Variants in CACNA1E observed in about 807,000 individuals in gnomAD.
The protein encoded by CACNA1E is calcium voltage-gated channel subunit alpha1 E.
In CACNA1E, 40 loss-of-function variants were observed where a neutral mutation model predicts 259.2. The ratio of observed to expected loss-of-function variants is 0.15; its 90% CI spans 0.12 to 0.20. CACNA1E has a LOEUF of 0.20. CACNA1E is among the 10% of genes least tolerant of loss of function. The pLI, the probability that CACNA1E is intolerant of heterozygous loss-of-function variation, is 1.00. For synonymous variants in CACNA1E, 1,104 were observed against 1,138.5 expected (o/e 0.97, Z 0.61); for missense variants, 1,874 against 3,040.1 (o/e 0.62, Z 9.02).
At chr1:181,757,348 A>G (rs1658175655) in intron 30 of CACNA1E, among the ~76,000 whole-genome samples, 1 of 152,224 alleles carries the variant, frequency 6.6e-6, no homozygotes, top group South Asian at 2.1e-4. Context: ...GATGTTTAAC[A>G]TGCAGTCTTT....
At chr1:181,470,464 C>T (rs1662435480) in intron 2 of CACNA1E, among the ~76,000 whole-genome samples, 1 of 152,118 alleles carries the variant, frequency 6.6e-6, no homozygotes. Context: ...TTGGGTGATC[C>T]TCCCATCTCG....
chr1:181,447,871 A>G (rs981248399), intron 2 of CACNA1E, among the ~76,000 whole-genome samples: 1 of 152,160 alleles, frequency 6.6e-6, no homozygotes, highest in Non-Finnish European at 1.5e-5. Context: ...AAGCTGCTGC[A>G]TTCCTTGGCT....
intron 1 of CACNA1E, among the ~76,000 whole-genome samples, chr1:181,326,949 G>T (rs1318528234): frequency 6.6e-6 from 1 of 152,110 alleles, no homozygotes; most frequent in Non-Finnish European, 1.5e-5. Flanking sequence ...CGTGGGCCTG[G>T]CTCTCAGTTG....
intron 1 of CACNA1E, among the ~76,000 whole-genome samples, chr1:181,319,053 G>T (rs1012658108): frequency 6.6e-6 from 1 of 152,206 alleles, no homozygotes; most frequent in African/African-American, 2.4e-5. Context: ...TCCTCCTTGC[G>T]CAGAGGACTG....
intron 38 of CACNA1E, among the ~76,000 whole-genome samples, chr1:181,780,943 C>A (rs547300083): frequency 6.6e-6 from 1 of 152,166 alleles, no homozygotes; most frequent in Non-Finnish European, 1.5e-5. Context: ...GCGCCCCAGC[C>A]GGGGTCAGAA....
At chr1:181,403,795 G>T (rs1335679223) in intron 1 of CACNA1E, among the ~76,000 whole-genome samples, 1 of 152,148 alleles carries the variant, frequency 6.6e-6, no homozygotes, top group African/African-American at 2.4e-5. Flanking sequence ...CATATTGCTG[G>T]TGGTCTAAGG....
intron 6 of CACNA1E, among the ~76,000 whole-genome samples, chr1:181,645,287 A>C (rs1048901926): frequency 2.0e-5 from 3 of 152,124 alleles, no homozygotes; most frequent in Non-Finnish European, 4.4e-5. Flanking sequence ...GGTTATCTAG[A>C]GGCTGGTTGT....
chr1:181,586,710 C>T (rs897921084), intron 6 of CACNA1E, among the ~76,000 whole-genome samples: 1 of 152,156 alleles, frequency 6.6e-6, no homozygotes, highest in East Asian at 1.9e-4. Context: ...TAAATTCATC[C>T]ACAGATTCTC....
At chr1:181,680,796 C>G (rs1284425756) in intron 7 of CACNA1E, among the ~76,000 whole-genome samples, 1 of 152,192 alleles carries the variant, frequency 6.6e-6, no homozygotes, top group Non-Finnish European at 1.5e-5. Context: ...CCTTCCTTCT[C>G]CCCTAGATTT....
intron 1 of CACNA1E, among the ~76,000 whole-genome samples, chr1:181,396,560 A>G (rs777103875): frequency 6.6e-6 from 1 of 152,238 alleles, no homozygotes; most frequent in Non-Finnish European, 1.5e-5. Flanking sequence ...GAACAAAGAA[A>G]TCAGGAAATA....
intron 25 of CACNA1E, among the ~76,000 whole-genome samples, chr1:181,739,588 C>G (rs1190188661): frequency 2.0e-5 from 3 of 152,158 alleles, no homozygotes; most frequent in Non-Finnish European, 2.9e-5. Flanking sequence ...GACCCAGGAA[C>G]AGCTTATGGG....
chr1:181,776,415 CT>C lies in CACNA1E; in HGVS notation c.5267+190del, dbSNP rs1315001951. Reference sequence around the variant, plus strand: ...AGTCACCAAGGACTTCTGTATCCTCCTTTCCCCTCTCTTTCCTTCTGTGACA... The same window carrying C: ...AGTCACCAAGGACTTCTGTATCCTCCTTCCCCTCTCTTTCCTTCTGTGACA... On this transcript the variant is annotated intron_variant, in intron 38 of 47. Transcript: ENST00000367573. This position sits in a 1 kb window ranked among gnomAD's most constrained non-coding sequence, Gnocchi z 4.4. 5 of 582,434 alleles carry C rather than the reference CT, an allele frequency of 8.6e-6. No individual in the cohort carries two copies. In the East Asian group the frequency reaches 1.4e-4, roughly 17 times the overall value. The allele number at this position is 582,434 out of a possible 1,614,324, so 36.1% of individuals were successfully genotyped here.
chr1:181,491,790 A>T lies in CACNA1E; in HGVS notation c.266+7780A>T, dbSNP rs75505071. 4.7e-3 allele frequency among the ~76,000 whole-genome samples: 722 copies of T among 152,350 alleles called. 7 individuals carry two copies. The East Asian group carries it at 0.05, about 11-fold the overall frequency. On this transcript the variant is annotated intron_variant, in intron 1 of 47. Transcript: ENST00000367573. ...CTCTTCTGAGAAGGGACATGCACCC[A>T]TTTAATTCCAGCACCTAGCACATGC...
In CACNA1E at chr1:181,715,411, C is replaced by T. The variant is rs772721347; in HGVS notation, c.1225+20C>T. On this transcript the variant is annotated intron_variant, in intron 9 of 47. Transcript: ENST00000367573. ...TAGAAGGTAAGGAAATGTTCTGATG[C>T]CTTATTCCAGTTGCATTTGCCCCTC... is the stretch of plus-strand genomic sequence containing the variant. The T allele has an allele frequency of 2.7e-6, 4 of 1,503,184 alleles. No homozygotes were observed. The South Asian group carries it at 4.7e-5, about 18-fold the overall frequency. 93.1% of individuals were successfully genotyped at this position (1,503,184 alleles called of 1,614,324 possible).
chr1:181,666,721 T>TAC (rs138335534), intron 7 of CACNA1E, among the ~76,000 whole-genome samples: 18,730 of 151,042 alleles, frequency 0.12, 1,193 homozygotes, highest in South Asian at 0.25. Context: ...TATATATATA[T>TAC]ACACACACAC....
At chr1:181,773,911 G>A (rs1396618405) in intron 37 of CACNA1E, among the ~76,000 whole-genome samples, 1 of 152,168 alleles carries the variant, frequency 6.6e-6, no homozygotes, top group African/African-American at 2.4e-5. Flanking sequence ...TTTTAATGAG[G>A]CTATATTCAG....
At chr1:181,419,554 C>T (rs1220245985) in intron 2 of CACNA1E, among the ~76,000 whole-genome samples, 1 of 152,228 alleles carries the variant, frequency 6.6e-6, no homozygotes, top group Non-Finnish European at 1.5e-5. Flanking sequence ...AACGGACACA[C>T]AAACACACAC....
intron 1 of CACNA1E, among the ~76,000 whole-genome samples, chr1:181,351,544 G>T (rs186763547): frequency 6.6e-6 from 1 of 152,158 alleles, no homozygotes; most frequent in Non-Finnish European, 1.5e-5. Flanking sequence ...TTCTCTCACC[G>T]TTCTGGTGGC....
At chr1:181,734,397 ACCCCTGC>A (rs1000928023) in intron 21 of CACNA1E, among the ~76,000 whole-genome samples, 31 of 148,536 alleles carry the variant, frequency 2.1e-4, no homozygotes, top group Admixed American at 6.0e-4. Flanking sequence ...GCACTTCCCC[ACCCCTGC>A]CCTGACCCTA....
Sources: allele counts gnomAD v4.1 joint callset (sites outside exome capture counted in the v4.1 genomes callset), GRCh38; gene constraint gnomAD v4.1.1; non-coding constraint Gnocchi (gnomAD v3.1); transcripts MANE v1.5; gene names NCBI Gene and HGNC (gene_info 2026-07-23, HGNC 2026-07-21).